ADAMTSL1: variants seen among roughly 807,000 people sequenced by gnomAD.
The protein encoded by ADAMTSL1 is ADAMTS like 1, also known as ADAMTS-like protein 1.
A neutral mutation model predicts 201.8 loss-of-function variants in ADAMTSL1; 126 were observed. That is an observed-to-expected ratio of 0.62 (90% CI 0.54 to 0.72). The LOEUF (loss-of-function observed/expected upper bound fraction) is 0.72, where lower values mean the gene tolerates loss of function less well. Ranked by LOEUF, ADAMTSL1 falls within the 30% of genes least tolerant of loss-of-function variation. The pLI is 0.00. For synonymous variants in ADAMTSL1, 1,121 were observed against 903.4 expected, an observed-to-expected ratio of 1.24 and a Z score of -4.32; for missense variants, 2,679 against 2,277.8, an observed-to-expected ratio of 1.18 and a Z score of -3.59.
chr9:18,401,702 C>G (rs1157655459), intron 2 of ADAMTSL1, among the ~76,000 whole-genome samples: 1 of 152,114 alleles, frequency 6.6e-6, no homozygotes, highest in Non-Finnish European at 1.5e-5. Context: ...TACAGTGAAT[C>G]CTTTTCATCA....
intron 9 of ADAMTSL1, among the ~76,000 whole-genome samples, chr9:18,667,214 CTT>C (rs555274457): frequency 5.0e-5 from 7 of 139,588 alleles, no homozygotes; most frequent in Admixed American, 7.2e-5. Context: ...TTTAAGTGAA[CTT>C]TTTTTTTTTT....
At chr9:18,117,447 T>TGGAGGACTAA (rs1222321677) in intron 1 of ADAMTSL1, among the ~76,000 whole-genome samples, 1 of 152,114 alleles carries the variant, frequency 6.6e-6, no homozygotes, top group Non-Finnish European at 1.5e-5. Flanking sequence ...GCATTAGCTG[T>TGGAGGACTAA]TTCCAAGGAC....
intron 2 of ADAMTSL1, among the ~76,000 whole-genome samples, chr9:18,292,235 G>A (rs1833302258): frequency 6.6e-6 from 1 of 152,078 alleles, no homozygotes; most frequent in African/African-American, 2.4e-5. Context: ...TAATTTAGAA[G>A]TTCATACAAA....
At chr9:18,435,380 G>T (rs2133426226) in intron 2 of ADAMTSL1, among the ~76,000 whole-genome samples, 1 of 152,320 alleles carries the variant, frequency 6.6e-6, no homozygotes, top group South Asian at 2.1e-4. Context: ...GGATGTCATG[G>T]TGAGTCTCTG....
At chr9:18,446,839 G>A (rs918179410) in intron 2 of ADAMTSL1, among the ~76,000 whole-genome samples, 1 of 152,200 alleles carries the variant, frequency 6.6e-6, no homozygotes, top group Non-Finnish European at 1.5e-5. Context: ...TATCCAAAGA[G>A]AAGGTTTGGT....
chr9:17,961,202 G>GT (rs1817742238), intron 1 of ADAMTSL1, among the ~76,000 whole-genome samples: 1 of 152,060 alleles, frequency 6.6e-6, no homozygotes, highest in Non-Finnish European at 1.5e-5. Context: ...CTCTGAGGCT[G>GT]TTTTTTCACC....
chr9:18,706,847 G>T lies in ADAMTSL1; in HGVS notation c.1675G>T (p.Val559Leu), dbSNP rs141566996. ...GGTGCTCCTGTCTTTCTCTCAGTCC[G>T]TGGCTGACCTGCCTATTGACGAGTG... ...CQVLLSFSQSVADLPIDECEG... is the reference protein window; with the variant it reads ...CQVLLSFSQSLADLPIDECEG... Residue 559 changes from valine to leucine, a missense_variant, in exon 14 of 29, where the codon GTG (valine) becomes TTG (leucine). By Grantham distance (32) the Val-to-Leu change is conservative. Transcript: ENST00000380548. 3.3e-5 allele frequency: 53 copies of T among 1,613,008 alleles called. 2 individuals carry two copies. In the South Asian group the frequency reaches 5.7e-4, roughly 17 times the overall value.
intron 1 of ADAMTSL1, among the ~76,000 whole-genome samples, chr9:18,489,543 GA>G (rs1481879916): frequency 3.3e-5 from 5 of 152,134 alleles, no homozygotes; most frequent in African/African-American, 1.2e-4. Context: ...TAGGAACCAT[GA>G]ACATGTTAAA....
chr9:18,781,869 T>A (rs1242622422), intron 19 of ADAMTSL1, among the ~76,000 whole-genome samples: 1 of 152,250 alleles, frequency 6.6e-6, no homozygotes, highest in Non-Finnish European at 1.5e-5. Flanking sequence ...ATTTCTTTGC[T>A]TTTAAATATT....
At chr9:18,115,414 C>G (rs916076454) in intron 1 of ADAMTSL1, among the ~76,000 whole-genome samples, 1 of 152,036 alleles carries the variant, frequency 6.6e-6, no homozygotes, top group Non-Finnish European at 1.5e-5. Context: ...TTAGAGAGAA[C>G]AAGTCTACAA....
intron 1 of ADAMTSL1, among the ~76,000 whole-genome samples, chr9:17,987,439 C>G (rs1484424308): frequency 2.6e-5 from 4 of 152,122 alleles, no homozygotes; most frequent in Non-Finnish European, 5.9e-5. Flanking sequence ...TGGTTGAACA[C>G]TACCACACAT....
At chr9:18,170,617 G>C (rs113138264) in intron 2 of ADAMTSL1, among the ~76,000 whole-genome samples, 1 of 151,986 alleles carries the variant, frequency 6.6e-6, no homozygotes, top group Non-Finnish European at 1.5e-5. Flanking sequence ...TCTCAGAAAG[G>C]CAAAACAGAT....
chr9:18,006,989 G>A (rs1482769747), intron 1 of ADAMTSL1, among the ~76,000 whole-genome samples: 4 of 151,874 alleles, frequency 2.6e-5, no homozygotes, highest in East Asian at 1.9e-4. Flanking sequence ...TGGAAAAATC[G>A]GGCTCATTTT....
chr9:18,266,684 C>G (rs746077488), intron 2 of ADAMTSL1, among the ~76,000 whole-genome samples: 5 of 152,140 alleles, frequency 3.3e-5, no homozygotes, highest in Admixed American at 6.6e-5. Context: ...TGGTCCTCAT[C>G]ATGGTGATGG....
intron 20 of ADAMTSL1, among the ~76,000 whole-genome samples, chr9:18,810,161 A>G (rs1396652289): frequency 6.6e-6 from 1 of 152,230 alleles, no homozygotes; most frequent in African/African-American, 2.4e-5. Flanking sequence ...TACTATGCTC[A>G]ACAATCATTA....
intron 2 of ADAMTSL1, among the ~76,000 whole-genome samples, chr9:18,515,360 G>A (rs1818301358): frequency 6.6e-6 from 1 of 152,192 alleles, no homozygotes. Context: ...TTTGAGACAA[G>A]GTCTGGCTGT....
At chr9:18,462,642 G>C (rs1276131525) in intron 2 of ADAMTSL1, among the ~76,000 whole-genome samples, 1 of 151,964 alleles carries the variant, frequency 6.6e-6, no homozygotes, top group Admixed American at 6.6e-5. Context: ...TTAATCAGTA[G>C]AAGAAGGAAA....
At chr9:18,390,709 A>C (rs1838008451) in intron 2 of ADAMTSL1, among the ~76,000 whole-genome samples, 1 of 152,198 alleles carries the variant, frequency 6.6e-6, no homozygotes, top group African/African-American at 2.4e-5. Flanking sequence ...GGAGGAAAAC[A>C]AGATACTTGC....
At chr9:18,514,505 T>C (rs1266795823) in intron 2 of ADAMTSL1, among the ~76,000 whole-genome samples, 1 of 151,998 alleles carries the variant, frequency 6.6e-6, no homozygotes, top group Non-Finnish European at 1.5e-5. Flanking sequence ...ACTTTTTTTG[T>C]ATTTTTAGTA....
Sources: gnomAD v4.1 joint callset for allele counts (sites outside exome capture counted in the v4.1 genomes callset) on GRCh38, gnomAD v4.1.1 for gene constraint, MANE v1.5 for transcripts, NCBI Gene and HGNC (gene_info 2026-07-23, HGNC 2026-07-21) for gene names.